PLS1: variants seen among roughly 807,000 people sequenced by gnomAD.
PLS1 encodes the protein plastin 1.
A neutral mutation model predicts 73.7 loss-of-function variants in PLS1; 32 were observed. The observed-to-expected ratio is 0.43, with a 90% CI of 0.33 to 0.58. The LOEUF (loss-of-function observed/expected upper bound fraction) is 0.58, where lower values mean the gene tolerates loss of function less well. Ranked by LOEUF, PLS1 falls within the 20% of genes least tolerant of loss-of-function variation. The pLI is 0.04. For synonymous variants in PLS1, 217 were observed against 261.3 expected (o/e 0.83, Z 1.63); for missense variants, 633 against 740.5 (o/e 0.85, Z 1.68).
At position 142,663,297 on chromosome 3, in the gene PLS1, T is replaced by C. The variant is rs148748119; in HGVS notation, c.-36-905T>C. Reference sequence around the variant, plus strand: ...TTGATATTTCTGGATAGAAGGATTATGAGTAATGTTAATTTTCTGTTTGGG... The same window carrying C: ...TTGATATTTCTGGATAGAAGGATTACGAGTAATGTTAATTTTCTGTTTGGG... On this transcript the variant is annotated intron_variant, in intron 1 of 15. Transcript: ENST00000457734. Among the ~76,000 whole-genome samples the C allele has an allele frequency of 4.5e-3, 680 of 152,346 alleles. 5 individuals carry two copies. The highest frequency in any genetic ancestry group is 5.8e-3 in the Non-Finnish European group (396 of 68,028).
chr3:142,661,574 A>T (rs2037371365), intron 1 of PLS1, among the ~76,000 whole-genome samples: 1 of 152,208 alleles, frequency 6.6e-6, no homozygotes, highest in South Asian at 2.1e-4. Context: ...TGATCAATGA[A>T]ATTTCAGTGA....
intron 12 of PLS1, chr3:142,698,315 T>C (rs1404951387): frequency 6.1e-6 from 2 of 329,280 alleles, no homozygotes; most frequent in Non-Finnish European, 1.1e-5. Context: ...CTTTGAGATG[T>C]CCTGTAAATG....
At chr3:142,677,883 A>G (rs1314916562) in intron 5 of PLS1, 149 bp from the exon 6 acceptor site, 7 of 419,424 alleles carry the variant, frequency 1.7e-5, no homozygotes, top group African/African-American at 1.5e-4. Flanking sequence ...CTGAGATTAT[A>G]TGCATGTGCC....
At chr3:142,638,604 T>G (rs1000073259) in intron 1 of PLS1, among the ~76,000 whole-genome samples, 2 of 152,218 alleles carry the variant, frequency 1.3e-5, no homozygotes, top group Non-Finnish European at 2.9e-5. Context: ...TCAATATTCA[T>G]TTTGGAATGT....
intron 1 of PLS1, among the ~76,000 whole-genome samples, chr3:142,633,996 G>T (rs535453206): frequency 2.6e-5 from 4 of 152,110 alleles, no homozygotes; most frequent in Non-Finnish European, 4.4e-5. Context: ...TTAAGAGACC[G>T]AATTCAAACG....
chr3:142,678,420 C>G (rs1199538320), intron 6 of PLS1, among the ~76,000 whole-genome samples: 1,627 of 108,898 alleles, frequency 0.015, 36 homozygotes, highest in African/African-American at 0.052. Context: ...TATCCCTCCC[C>G]CCTCCCCCCA....
rs1577880902 is a variant in PLS1, at chr3:142,678,771, C to T, written c.579+658C>T. Among the ~76,000 whole-genome samples, 8 of 151,596 alleles carry T rather than the reference C, an allele frequency of 5.3e-5. 1 individual carries two copies. In the South Asian group the frequency reaches 1.7e-3, roughly 32 times the overall value. On this transcript the variant is annotated intron_variant, in intron 6 of 15. Coordinates refer to ENST00000457734, the MANE Select transcript of PLS1 (RefSeq NM_001145319.2). ...TCTTTATAGCAGCATGATTTATAGT[C>T]CTTTGGATATATACCCAGTAATGAG...
chr3:142,679,537 T>C (rs2037801712), intron 6 of PLS1, among the ~76,000 whole-genome samples: 1 of 152,208 alleles, frequency 6.6e-6, no homozygotes, highest in Non-Finnish European at 1.5e-5. Flanking sequence ...GGGAATCCTT[T>C]CCCCATTGCT....
chr3:142,677,966 T>C, intron 5 of PLS1, 66 bp from the exon 6 acceptor site: 1 of 713,656 alleles, frequency 1.4e-6, no homozygotes, highest in Non-Finnish European at 2.4e-6. Context: ...ATTTTGGCTG[T>C]TTGCAATAAT....
At chr3:142,674,769 C>T (rs1346878328) in intron 4 of PLS1, among the ~76,000 whole-genome samples, 2 of 152,154 alleles carry the variant, frequency 1.3e-5, no homozygotes, top group Admixed American at 6.5e-5. Flanking sequence ...TGCTCTGTTG[C>T]CCAGGCTGGA....
chr3:142,650,612 G>A (rs906452606), intron 1 of PLS1, among the ~76,000 whole-genome samples: 13 of 152,246 alleles, frequency 8.5e-5, no homozygotes, highest in Admixed American at 6.5e-4. Flanking sequence ...GATGTGCTGC[G>A]TGGCTTGGAC....
chr3:142,609,312 A>G (rs1262058040), intron 1 of PLS1, among the ~76,000 whole-genome samples: 2 of 152,204 alleles, frequency 1.3e-5, no homozygotes, highest in Non-Finnish European at 2.9e-5. Context: ...GCTGTTCTCC[A>G]GGGCAGCTCA....
chr3:142,617,639 G>A (rs2036238358), intron 1 of PLS1, among the ~76,000 whole-genome samples: 1 of 152,088 alleles, frequency 6.6e-6, no homozygotes, highest in Non-Finnish European at 1.5e-5. Context: ...CCAGGAATCT[G>A]CATTCAAAAT....
intron 1 of PLS1, among the ~76,000 whole-genome samples, chr3:142,647,664 G>A (rs910643506): frequency 2.6e-5 from 4 of 151,760 alleles, no homozygotes; most frequent in Admixed American, 6.6e-5. Flanking sequence ...CACCATACCC[G>A]GCTAATTTTT....
In PLS1 at chr3:142,713,247, C is replaced by T. The variant is rs1343240190; in HGVS notation, c.*1240C>T. ...ACAATTGAATCCAGAAATCTACTTTCTCCATCTTCCACTGTTAGTGCCAGT... is the reference window on the plus strand; with the variant it reads ...ACAATTGAATCCAGAAATCTACTTTTTCCATCTTCCACTGTTAGTGCCAGT... On this transcript the variant is annotated 3_prime_UTR_variant, in exon 16 of 16. Coordinates refer to ENST00000457734, the MANE Select transcript of PLS1 (RefSeq NM_001145319.2). 1 of 152,584 alleles carries T rather than the reference C, an allele frequency of 6.6e-6. No homozygotes were observed. Among genetic ancestry groups the T allele is most frequent in the Admixed American group, 6.5e-5 (1 of 15,274 alleles). The allele number at this position is 152,584 out of a possible 1,614,324, so 9.5% of individuals were successfully genotyped here.
intron 3 of PLS1, among the ~76,000 whole-genome samples, chr3:142,670,552 C>A (rs2037583564): frequency 6.6e-6 from 1 of 152,082 alleles, no homozygotes; most frequent in Non-Finnish European, 1.5e-5. Flanking sequence ...TCTGGTGAGT[C>A]CAGTGAGAGA....
chr3:142,665,311 A>C (rs1410774718), intron 2 of PLS1, among the ~76,000 whole-genome samples: 1 of 151,134 alleles, frequency 6.6e-6, no homozygotes, highest in Admixed American at 6.6e-5. Flanking sequence ...AAAAAAAAAA[A>C]CCAAAAAACT....
chr3:142,626,276 A>G (rs2036426125), intron 1 of PLS1, among the ~76,000 whole-genome samples: 3 of 152,230 alleles, frequency 2.0e-5, no homozygotes, highest in Non-Finnish European at 4.4e-5. Context: ...CAATATGTTA[A>G]TAAGCAATGA....
At chr3:142,612,079 A>G (rs1374613173) in intron 1 of PLS1, among the ~76,000 whole-genome samples, 3 of 152,252 alleles carry the variant, frequency 2.0e-5, no homozygotes, top group East Asian at 1.9e-4. Flanking sequence ...TTTTATTACG[A>G]TGTAAGAAAA....
Sources: gnomAD v4.1 joint callset for allele counts (sites outside exome capture counted in the v4.1 genomes callset) on GRCh38, gnomAD v4.1.1 for gene constraint, MANE v1.5 for transcripts, NCBI Gene and HGNC (gene_info 2026-07-23, HGNC 2026-07-21) for gene names.